The following LRP1B variants were observed in gnomAD, a reference collection of about 807,000 sequenced individuals.
The protein encoded by LRP1B is low-density lipoprotein receptor-related protein 1B.
Under a neutral mutation model 556.6 loss-of-function variants are expected in LRP1B, and 217 were observed. That is an observed-to-expected ratio of 0.39 (90% CI 0.35 to 0.44). The LOEUF is 0.44. Ranked by LOEUF, LRP1B falls within the 20% of genes least tolerant of loss-of-function variation. The probability of loss-of-function intolerance (pLI) is 1.00; values close to 1 mark genes in which losing one functional copy is unlikely to be tolerated. For missense variants in LRP1B, 5,053 were observed against 5,620.8 expected (o/e 0.90, Z 3.23); for synonymous variants, 2,047 against 1,865.8 (o/e 1.10, Z -2.50).
chr2:141,296,845 C>A (rs139632482), intron 3 of LRP1B, among the ~76,000 whole-genome samples: 1 of 152,154 alleles, frequency 6.6e-6, no homozygotes, highest in East Asian at 1.9e-4. Flanking sequence ...CAGTTTTGAG[C>A]CCTTACTCTC....
chr2:141,802,838 T>C (rs1006448375), intron 2 of LRP1B, among the ~76,000 whole-genome samples: 2 of 152,014 alleles, frequency 1.3e-5, no homozygotes, highest in Non-Finnish European at 2.9e-5. Context: ...AAATGCTAGA[T>C]TAGTTGTAGA....
intron 41 of LRP1B, among the ~76,000 whole-genome samples, chr2:140,692,108 C>T (rs1686264077): frequency 6.6e-6 from 1 of 151,874 alleles, no homozygotes; most frequent in Non-Finnish European, 1.5e-5. Context: ...CAGGGAGTTG[C>T]CTTCTGTTTC....
At chr2:141,362,600 T>C (rs1688866506) in intron 3 of LRP1B, among the ~76,000 whole-genome samples, 1 of 152,236 alleles carries the variant, frequency 6.6e-6, no homozygotes, top group Admixed American at 6.5e-5. Context: ...GAGAGATTTC[T>C]AAAATATGCA....
At chr2:140,569,504 T>C (rs374084431) in intron 43 of LRP1B, among the ~76,000 whole-genome samples, 3 of 151,890 alleles carry the variant, frequency 2.0e-5, no homozygotes, top group East Asian at 3.9e-4. Context: ...GATGGAATAA[T>C]TGTAAATAAT....
At chr2:140,558,942 GA>G (rs371518136) in intron 43 of LRP1B, among the ~76,000 whole-genome samples, 14,319 of 110,484 alleles carry the variant, frequency 0.13, 804 homozygotes, top group East Asian at 0.28. Context: ...TCTCCAAAAG[GA>G]AAAAAAAAAA....
intron 3 of LRP1B, among the ~76,000 whole-genome samples, chr2:141,380,016 G>A (rs1689577934): frequency 1.3e-5 from 2 of 152,140 alleles, no homozygotes; most frequent in East Asian, 3.9e-4. Flanking sequence ...AACACTTCCA[G>A]TTTCTCCTTG....
intron 1 of LRP1B, among the ~76,000 whole-genome samples, chr2:141,877,884 T>C (rs888941011): frequency 6.6e-6 from 1 of 151,978 alleles, no homozygotes; most frequent in Non-Finnish European, 1.5e-5. Context: ...ACCACTAAAA[T>C]AGATGTTTAA....
At chr2:141,145,026 C>T (rs1272849892) in intron 7 of LRP1B, among the ~76,000 whole-genome samples, 1 of 152,076 alleles carries the variant, frequency 6.6e-6, no homozygotes, top group Non-Finnish European at 1.5e-5. Context: ...GGCTCTATCT[C>T]GAAAGAGAAC....
chr2:141,530,374 G>A lies in LRP1B; in HGVS notation c.206-49841C>T, dbSNP rs75274208. 1.1e-3 allele frequency among the ~76,000 whole-genome samples: 170 copies of A among 152,156 alleles called. 1 individual carries two copies. In the East Asian group the frequency reaches 0.019, roughly 17 times the overall value. On this transcript the variant is annotated intron_variant, in intron 2 of 90. Coordinates refer to ENST00000389484, the MANE Select transcript of LRP1B (RefSeq NM_018557.3). ...ATTGCAGAGAGGTGACAGAACAGGA[G>A]GGAACTGTTCTTTTCACCTACCACT...
At chr2:140,518,999 T>C (rs897512441) in intron 49 of LRP1B, among the ~76,000 whole-genome samples, 1 of 152,118 alleles carries the variant, frequency 6.6e-6, no homozygotes, top group Non-Finnish European at 1.5e-5. Context: ...TGCTTATGCA[T>C]AGGAAGAATC....
chr2:141,288,155 G>A (rs1390012628), intron 3 of LRP1B, among the ~76,000 whole-genome samples: 1 of 151,366 alleles, frequency 6.6e-6, no homozygotes, highest in African/African-American at 2.4e-5. Flanking sequence ...ACAGCTTGTA[G>A]AAAAATGTTA....
chr2:140,718,737 C>T (rs1356746716), intron 35 of LRP1B, among the ~76,000 whole-genome samples: 2 of 152,060 alleles, frequency 1.3e-5, no homozygotes, highest in African/African-American at 4.8e-5. Flanking sequence ...GATCTACCAA[C>T]TCCCTCCAAT....
chr2:140,989,756 A>ACT, intron 16 of LRP1B, 99 bp from the exon 17 acceptor site: 1 of 1,138,440 alleles, frequency 8.8e-7, no homozygotes, highest in Non-Finnish European at 1.3e-6. Context: ...ATAATATTAT[A>ACT]GTACAATAAA....
chr2:140,520,311 T>C (rs1388960452), intron 49 of LRP1B, among the ~76,000 whole-genome samples: 1 of 152,110 alleles, frequency 6.6e-6, no homozygotes. Flanking sequence ...TGTAAGGACA[T>C]GGATGAAGCT....
At chr2:141,224,555 C>T (rs763725454) in intron 6 of LRP1B, among the ~76,000 whole-genome samples, 11 of 151,638 alleles carry the variant, frequency 7.3e-5, no homozygotes, top group East Asian at 5.8e-4. Flanking sequence ...CAGCACTATT[C>T]GACATGGAAT....
chr2:141,449,463 A>AT (rs914236148), intron 3 of LRP1B, among the ~76,000 whole-genome samples: 2 of 152,110 alleles, frequency 1.3e-5, no homozygotes, highest in Non-Finnish European at 2.9e-5. Context: ...TATATTTCAG[A>AT]TTTTTTACAT....
chr2:141,833,523 T>C (rs1697173797), intron 1 of LRP1B, among the ~76,000 whole-genome samples: 1 of 151,898 alleles, frequency 6.6e-6, no homozygotes, highest in African/African-American at 2.4e-5. Flanking sequence ...GTGACAGGAA[T>C]AGTATATTCA....
chr2:141,960,168 T>C (rs1037994186), intron 1 of LRP1B, among the ~76,000 whole-genome samples: 1 of 151,790 alleles, frequency 6.6e-6, no homozygotes. Flanking sequence ...AGTATGGAGA[T>C]AGCTTGTAAT....
chr2:140,595,087 A>AATATATCTATATATCT (rs1204829412), intron 43 of LRP1B, among the ~76,000 whole-genome samples: 1 of 99,676 alleles, frequency 1.0e-5, no homozygotes, highest in Admixed American at 1.1e-4. Context: ...ATATAAATTG[A>AATATATCTATATATCT]ATATATATAT....
Sources: gnomAD v4.1 joint callset for allele counts (sites outside exome capture counted in the v4.1 genomes callset) on GRCh38, gnomAD v4.1.1 for gene constraint, MANE v1.5 for transcripts, NCBI Gene and HGNC (gene_info 2026-07-23, HGNC 2026-07-21) for gene names.